Variants in GPC5 observed in about 807,000 individuals in gnomAD.
GPC5 encodes glypican 5.
In GPC5, 47 loss-of-function variants were observed where a neutral mutation model predicts 53.9. That is an observed-to-expected ratio of 0.87 (90% confidence interval 0.69 to 1.11). GPC5 has a LOEUF of 1.11. GPC5 is among the 50% of genes most tolerant of loss of function. GPC5 has a pLI of 0.00. For synonymous variants in GPC5, 286 were observed against 263.3 expected (o/e 1.09, Z -0.84); for missense variants, 748 against 713.1 (o/e 1.05, Z -0.56).
At chr13:92,395,661 T>G (rs919409876) in intron 7 of GPC5, among the ~76,000 whole-genome samples, 2 of 152,292 alleles carry the variant, frequency 1.3e-5, no homozygotes, top group South Asian at 2.1e-4. Flanking sequence ...TGCCTTCACT[T>G]TTACAGGAAA....
intron 7 of GPC5, among the ~76,000 whole-genome samples, chr13:92,663,879 TATATATATATATATATATATATATACAC>T (rs1187289348): frequency 0.025 from 1,565 of 63,322 alleles, 71 homozygotes; most frequent in African/African-American, 0.085. Context: ...TATATATATA[TATATATATATATATATATATATATACAC>T]ACACACACAC....
intron 7 of GPC5, among the ~76,000 whole-genome samples, chr13:92,443,376 C>T (rs545350230): frequency 6.6e-6 from 1 of 152,222 alleles, no homozygotes; most frequent in African/African-American, 2.4e-5. Flanking sequence ...AACCATATTT[C>T]CAGATGAACA....
At chr13:91,924,318 T>G (rs1186946865) in intron 6 of GPC5, among the ~76,000 whole-genome samples, 1 of 152,228 alleles carries the variant, frequency 6.6e-6, no homozygotes, top group East Asian at 1.9e-4. Context: ...ACAAAAGTCT[T>G]ATTAGAATAC....
chr13:92,847,667 T>A (rs1728674189), intron 7 of GPC5, among the ~76,000 whole-genome samples: 1 of 152,086 alleles, frequency 6.6e-6, no homozygotes, highest in Non-Finnish European at 1.5e-5. Flanking sequence ...CAGGTAGTTC[T>A]TTATAGCAAT....
chr13:92,855,066 T>C (rs1878952020), intron 7 of GPC5, among the ~76,000 whole-genome samples: 1 of 152,000 alleles, frequency 6.6e-6, no homozygotes, highest in Non-Finnish European at 1.5e-5. Context: ...AAATGACTAA[T>C]GGGCATATTT....
At chr13:92,443,792 G>A (rs1201972044) in intron 7 of GPC5, among the ~76,000 whole-genome samples, 2 of 152,184 alleles carry the variant, frequency 1.3e-5, no homozygotes, top group African/African-American at 4.8e-5. Context: ...ATTAGTGCAG[G>A]TGGCCATCTA....
chr13:92,667,215 AATGTACT>A (rs1434589081), intron 7 of GPC5, among the ~76,000 whole-genome samples: 1 of 152,130 alleles, frequency 6.6e-6, no homozygotes, highest in African/African-American at 2.4e-5. Flanking sequence ...TGTGTACGGA[AATGTACT>A]ATGTCCATAA....
intron 7 of GPC5, among the ~76,000 whole-genome samples, chr13:92,399,369 C>T (rs867521222): frequency 4.6e-5 from 7 of 152,142 alleles, no homozygotes; most frequent in African/African-American, 1.4e-4. Flanking sequence ...TATCTGATCT[C>T]ATATAGATTA....
At chr13:91,625,837 C>A (rs9556105) in intron 2 of GPC5, among the ~76,000 whole-genome samples, 73,819 of 151,844 alleles carry the variant, frequency 0.49, 20,981 homozygotes, top group Non-Finnish European at 0.61. Flanking sequence ...ACATATTGAT[C>A]AGTTCAGAAG....
chr13:91,919,588 T>TATA (rs1419030173), intron 6 of GPC5, among the ~76,000 whole-genome samples: 6 of 152,152 alleles, frequency 3.9e-5, no homozygotes, highest in Non-Finnish European at 8.8e-5. Flanking sequence ...GAAGTTTACT[T>TATA]ATAATAAGTG....
At chr13:91,863,897 A>T (rs1442128557) in intron 5 of GPC5, among the ~76,000 whole-genome samples, 3 of 152,234 alleles carry the variant, frequency 2.0e-5, no homozygotes, top group African/African-American at 7.2e-5. Context: ...AAGGAAGCTG[A>T]TGAAATACAT....
At chr13:92,453,909 T>C (rs895901264) in intron 7 of GPC5, among the ~76,000 whole-genome samples, 1 of 152,240 alleles carries the variant, frequency 6.6e-6, no homozygotes, top group Admixed American at 6.5e-5. Context: ...TACACAGTCC[T>C]TGTTAATGAC....
chr13:92,471,738 G>C (rs987935282), intron 7 of GPC5, among the ~76,000 whole-genome samples: 1 of 152,046 alleles, frequency 6.6e-6, no homozygotes, highest in African/African-American at 2.4e-5. Context: ...AACTTTATGA[G>C]TATTTGATTA....
chr13:91,453,639 A>T (rs1156711550), intron 2 of GPC5, among the ~76,000 whole-genome samples: 1 of 151,550 alleles, frequency 6.6e-6, no homozygotes, highest in African/African-American at 2.4e-5. Flanking sequence ...AGTGTTGGGG[A>T]GACTTATTTC....
intron 5 of GPC5, among the ~76,000 whole-genome samples, chr13:91,799,051 T>A (rs1325523092): frequency 6.6e-6 from 1 of 152,204 alleles, no homozygotes; most frequent in Non-Finnish European, 1.5e-5. Flanking sequence ...CTTACCGTAC[T>A]ATTCACAATA....
chr13:92,621,489 C>T (rs1289268803), intron 7 of GPC5, among the ~76,000 whole-genome samples: 1 of 152,084 alleles, frequency 6.6e-6, no homozygotes, highest in Non-Finnish European at 1.5e-5. Flanking sequence ...GAACTTTTGC[C>T]CAGACTTCTG....
chr13:92,566,499 G>A (rs1384105274), intron 7 of GPC5, among the ~76,000 whole-genome samples: 1 of 152,020 alleles, frequency 6.6e-6, no homozygotes, highest in Non-Finnish European at 1.5e-5. Flanking sequence ...AGGGCCCCAA[G>A]GGAGTTGAAA....
chr13:92,306,355 G>A (rs1041628934), intron 7 of GPC5, among the ~76,000 whole-genome samples: 1 of 152,144 alleles, frequency 6.6e-6, no homozygotes, highest in Non-Finnish European at 1.5e-5. Context: ...CTTTTGAGAT[G>A]TTTAACAGGC....
chr13:92,844,219 A>G (rs1878525020), intron 7 of GPC5, among the ~76,000 whole-genome samples: 1 of 152,144 alleles, frequency 6.6e-6, no homozygotes, highest in South Asian at 2.1e-4. Flanking sequence ...GAAAAAAATT[A>G]CAGTGTAGAA....
Sources: allele counts gnomAD v4.1 joint callset (sites outside exome capture counted in the v4.1 genomes callset), GRCh38; gene constraint gnomAD v4.1.1; transcripts MANE v1.5; gene names NCBI Gene and HGNC (gene_info 2026-07-23, HGNC 2026-07-21).